LMBR1L: variants seen among roughly 807,000 people sequenced by gnomAD.
LMBR1L encodes the protein protein LMBR1L.
A neutral mutation model predicts 67.3 loss-of-function variants in LMBR1L; 47 were observed. The ratio of observed to expected loss-of-function variants is 0.70; its 90% CI spans 0.55 to 0.89. LMBR1L has a LOEUF of 0.89. LMBR1L is among the 40% of genes least tolerant of loss of function. LMBR1L has a pLI of 0.00. For missense variants in LMBR1L, 533 were observed against 599.2 expected (o/e 0.89, Z 1.15); for synonymous variants, 247 against 250.3 (o/e 0.99, Z 0.13).
Position 49,108,561 on chromosome 12 carries a change from C to CAA in LMBR1L, c.73-1518_73-1517dup, listed in dbSNP as rs35533408. ...CTGGCAACAGAGCAAGACTGAGTCT[C>CAA]AAAAAAAAAAAAAAAAAAAAAAAAA... On this transcript the variant is annotated intron_variant, in intron 1 of 16. Coordinates refer to ENST00000267102, the MANE Select transcript of LMBR1L (RefSeq NM_018113.4). 3.4e-3 allele frequency among the ~76,000 whole-genome samples: 161 copies of CAA among 47,350 alleles called. 2 individuals are homozygous for CAA. Among genetic ancestry groups the CAA allele is most frequent in the African/African-American group, 6.5e-3 (71 of 10,920 alleles). The allele number at this position is 47,350 out of a possible 152,430, so 31.1% of individuals were successfully genotyped here.
At position 49,097,550 on chromosome 12, in the gene LMBR1L, C is replaced by T. The variant is rs187490591; in HGVS notation, c.*122G>A. On this transcript the variant is annotated 3_prime_UTR_variant, in exon 17 of 17. Transcript: ENST00000267102. ...ATGCAATAGTGCAGATGGCTCTGCTCCCCTCTGCCACCCACCCTCTCAGAT... is the reference window on the plus strand; with the variant it reads ...ATGCAATAGTGCAGATGGCTCTGCTTCCCTCTGCCACCCACCCTCTCAGAT... 3.3e-4 allele frequency: 321 copies of T among 970,896 alleles called. 1 individual carries two copies. Among genetic ancestry groups the T allele is most frequent in the Admixed American group, 6.3e-4 (34 of 53,610 alleles). The allele number at this position is 970,896 out of a possible 1,614,324, so 60.1% of individuals were successfully genotyped here. A position where few individuals can be genotyped will look rare whatever the true frequency, so the allele number is the denominator to read the frequency against.
intron 5 of LMBR1L, 107 bp from the exon 6 acceptor site, chr12:49,103,920 A>G: frequency 8.0e-7 from 1 of 1,253,252 alleles, no homozygotes; most frequent in South Asian, 1.5e-5. Flanking sequence ...TTCAGGAGGT[A>G]AGAGAGAGGG....
At chr12:49,102,658 AC>A in intron 8 of LMBR1L, 118 bp from the exon 9 acceptor site, 2 of 1,092,054 alleles carry the variant, frequency 1.8e-6, no homozygotes, top group Non-Finnish European at 2.7e-6. Flanking sequence ...ACCCTCATTC[AC>A]CACCCTGTGG....
At chr12:49,105,604 A>G (rs1026144966) in intron 3 of LMBR1L, among the ~76,000 whole-genome samples, 4 of 152,000 alleles carry the variant, frequency 2.6e-5, no homozygotes, top group African/African-American at 4.8e-5. Context: ...TTTTCCATCA[A>G]TGTGCATCCC....
chr12:49,097,720 C>T lies in LMBR1L; in HGVS notation c.1422G>A (p.Leu474=), dbSNP rs1445849398. ...IRAFGLDRLP[L]PVSGFPQASR... ...ATGCCTGGGGGAAACCGGAGACGGG[C>T]AGCGGCAGTCTGTCCAGCCCTGGAG... is the stretch of plus-strand genomic sequence containing the variant. Residue 474 remains leucine, a synonymous_variant, in exon 17 of 17, where the codon CTG becomes CTA. Coordinates refer to ENST00000267102, the MANE Select transcript of LMBR1L (RefSeq NM_018113.4). 5 of 1,613,962 alleles carry T rather than the reference C, an allele frequency of 3.1e-6. No homozygotes were observed. In the African/African-American group the frequency reaches 4.0e-5, roughly 13 times the overall value.
In LMBR1L at chr12:49,097,747, A is replaced by G; in HGVS notation, c.1403-8T>C. 1 of 1,614,002 alleles carries G rather than the reference A, an allele frequency of 6.2e-7. No homozygotes were observed. Among genetic ancestry groups the G allele is most frequent in the Non-Finnish European group, 8.5e-7 (1 of 1,179,944 alleles). Reference sequence around the variant, plus strand: ...GCGGCAGTCTGTCCAGCCCTGGAGAAGAGGAGATGGGCAGTCAAAAGCAAG... The same window carrying G: ...GCGGCAGTCTGTCCAGCCCTGGAGAGGAGGAGATGGGCAGTCAAAAGCAAG... On this transcript the variant is annotated splice_region_variant and splice_polypyrimidine_tract_variant and intron_variant, in intron 16 of 16. Coordinates refer to ENST00000267102, the MANE Select transcript of LMBR1L (RefSeq NM_018113.4).
At chr12:49,102,020 A>G in intron 11 of LMBR1L, 100 bp downstream of exon 11, 2 of 1,011,504 alleles carry the variant, frequency 2.0e-6, no homozygotes, top group Non-Finnish European at 3.1e-6. Flanking sequence ...AGCAACCACT[A>G]TTACTGATGA....
chr12:49,103,946 G>T (rs1032177652), intron 5 of LMBR1L, 133 bp from the exon 6 acceptor site: 3 of 968,328 alleles, frequency 3.1e-6, no homozygotes, highest in African/African-American at 3.3e-5. Context: ...CTCTTATTCT[G>T]CTAAGTTGCT....
At chr12:49,102,648 A>G in intron 8 of LMBR1L, 108 bp from the exon 9 acceptor site, 1 of 1,122,118 alleles carries the variant, frequency 8.9e-7, no homozygotes, top group Non-Finnish European at 1.3e-6. Context: ...CTTCCCCCAG[A>G]CCCTCATTCA....
chr12:49,101,319 G>C lies in LMBR1L; in HGVS notation c.1013C>G (p.Thr338Ser). Residue 338 changes from threonine (T) to serine (S), a missense_variant, in exon 13 of 17, where the codon ACC (threonine) becomes AGC (serine). Around this residue, in one of 3 missense-constraint regions of LMBR1L, gnomAD observed 223 missense variants for 241.2 expected, o/e 0.92. Coordinates refer to ENST00000267102, the MANE Select transcript of LMBR1L (RefSeq NM_018113.4). ...EAAMPRGMQG[T>S]SLGQVSFSKL... ...GGAGAAGGAGACCTGGCCTAAGGAGGTACCCTGAGGAGTGGGGCAGTATCA... is the reference window on the plus strand; with the variant it reads ...GGAGAAGGAGACCTGGCCTAAGGAGCTACCCTGAGGAGTGGGGCAGTATCA... 5.0e-6 allele frequency: 8 copies of C among 1,614,114 alleles called. No individual in the cohort carries two copies. Among genetic ancestry groups the C allele is most frequent in the Non-Finnish European group, 6.8e-6 (8 of 1,179,974 alleles).
intron 1 of LMBR1L, chr12:49,110,229 T>TGGGGGG: frequency 2.1e-5 from 5 of 236,232 alleles, no homozygotes; most frequent in South Asian, 1.4e-4. Flanking sequence ...GGGTGAGGGG[T>TGGGGGG]GGGAGGGAGG....
intron 2 of LMBR1L, 34 bp downstream of exon 2, chr12:49,106,927 G>A (rs919687969): frequency 6.6e-7 from 1 of 1,506,064 alleles, no homozygotes; most frequent in African/African-American, 1.4e-5. Context: ...CATGGCAACA[G>A]GGACTCTAGC....
chr12:49,106,914 G>C lies in LMBR1L; in HGVS notation c.157+47C>G, dbSNP rs775038935. Reference sequence around the variant, plus strand: ...CCATAGGCCCATTCCCCTGAGGCTGGTCCATGGCAACAGGGACTCTAGCAG... The same window carrying C: ...CCATAGGCCCATTCCCCTGAGGCTGCTCCATGGCAACAGGGACTCTAGCAG... On this transcript the variant is annotated intron_variant, in intron 2 of 16. Transcript: ENST00000267102. 4.9e-6 allele frequency: 7 copies of C among 1,424,900 alleles called. No homozygotes were observed. In the South Asian group the frequency reaches 8.0e-5, roughly 16 times the overall value. The allele number at this position is 1,424,900 out of a possible 1,614,324, so 88.3% of individuals were successfully genotyped here.
Position 49,107,032 on chromosome 12 carries a change from A to T in LMBR1L, c.86T>A (p.Leu29Gln). ...GCAGAGGATGTACAGTGTTGCAAAC[A>T]GAAGTGTTGATATCTGTAGCAGAAT... Reference protein sequence around the residue: ...RIRECIISTLLFATLYILCHI... With the variant: ...RIRECIISTLQFATLYILCHI... The change falls in exon 2 of 17, where the codon CTG (leucine) becomes CAG (glutamine). Residue 29 changes from leucine (L) to glutamine (Q), a missense_variant. By Grantham distance (113) the Leu-to-Gln change is moderately radical. Coordinates refer to ENST00000267102, the MANE Select transcript of LMBR1L (RefSeq NM_018113.4). 1 of 1,612,732 alleles carries T rather than the reference A, an allele frequency of 6.2e-7. No individual in the cohort carries two copies. Among genetic ancestry groups the T allele is most frequent in the African/African-American group, 1.3e-5 (1 of 75,042 alleles).
At chr12:49,103,560 G>C in intron 6 of LMBR1L, 127 bp downstream of exon 6, 1 of 1,201,122 alleles carries the variant, frequency 8.3e-7, no homozygotes, top group East Asian at 2.4e-5. Context: ...ATGTCTATCA[G>C]TTTGAAACTT....
At position 49,105,482 on chromosome 12, in the gene LMBR1L, T is replaced by C. The variant is rs181079504; in HGVS notation, c.191+442A>G. ...TATTGACTCAAAGGAGTCATATCTC[T>C]ATCTTTTTCTGTATGTACCAGTGAA... On this transcript the variant is annotated intron_variant, in intron 3 of 16. Transcript: ENST00000267102. 7.2e-5 allele frequency among the ~76,000 whole-genome samples: 11 copies of C among 152,330 alleles called. No homozygotes were observed. The East Asian group carries it at 2.1e-3, about 29-fold the overall frequency.
At chr12:49,100,892 T>C in intron 13 of LMBR1L, 1 of 556,932 alleles carries the variant, frequency 1.8e-6, no homozygotes, top group Non-Finnish European at 3.2e-6. Flanking sequence ...CACGTCTGGC[T>C]AATTTTTTGT....
intron 1 of LMBR1L, 200 bp downstream of exon 1, chr12:49,110,284 T>C: frequency 1.7e-6 from 1 of 604,698 alleles, no homozygotes; most frequent in Non-Finnish European, 3.0e-6. Context: ...CGACGGCCTT[T>C]GTTTATCGCT....
At chr12:49,102,841 C>T (rs773801898) in intron 8 of LMBR1L, 46 bp downstream of exon 8, 8 of 1,562,880 alleles carry the variant, frequency 5.1e-6, no homozygotes, top group Non-Finnish European at 7.1e-6. Context: ...TCCAGCTCTG[C>T]AGGAAGCTCA....
Sources: gnomAD v4.1 joint callset for allele counts (sites outside exome capture counted in the v4.1 genomes callset) on GRCh38, gnomAD v4.1.1 for gene constraint, gnomAD v4.1.1 regional missense constraint, MANE v1.5 for transcripts, NCBI Gene and HGNC (gene_info 2026-07-23, HGNC 2026-07-21) for gene names.